Variants in TFEC observed in about 807,000 individuals in gnomAD.
TFEC encodes class E basic helix-loop-helix protein 34.
Under a neutral mutation model 41.6 loss-of-function variants are expected in TFEC, and 31 were observed. The ratio of observed to expected loss-of-function variants is 0.74; its 90% CI spans 0.56 to 1.01. The LOEUF is 1.01. TFEC is among the 50% of genes least tolerant of loss of function. The pLI, the probability that TFEC is intolerant of heterozygous loss-of-function variation, is 0.00. For synonymous variants in TFEC, 143 were observed against 140.6 expected (o/e 1.02, Z -0.12); for missense variants, 402 against 404.1 (o/e 0.99, Z 0.04).
intron 3 of TFEC, among the ~76,000 whole-genome samples, chr7:116,067,233 C>A (rs1796714803): frequency 6.6e-6 from 1 of 151,912 alleles, no homozygotes; most frequent in African/African-American, 2.4e-5. Context: ...TTATTTTACT[C>A]AGGATTCCCT....
At chr7:116,109,743 A>G (rs1418501731) in intron 3 of TFEC, among the ~76,000 whole-genome samples, 4 of 152,254 alleles carry the variant, frequency 2.6e-5, no homozygotes, top group South Asian at 2.1e-4. Context: ...CCAAAGGATT[A>G]TAAGTCATGC....
chr7:116,112,626 G>A (rs1479395308), intron 1 of TFEC, among the ~76,000 whole-genome samples: 3 of 151,978 alleles, frequency 2.0e-5, no homozygotes, highest in Non-Finnish European at 2.9e-5. Context: ...TTTCTAGAAA[G>A]AGACTAATGT....
intron 1 of TFEC, among the ~76,000 whole-genome samples, chr7:116,135,919 T>C (rs1180333861): frequency 1.3e-5 from 2 of 152,120 alleles, no homozygotes; most frequent in Non-Finnish European, 2.9e-5. Flanking sequence ...CAAAAACTAA[T>C]ACAAAAAAAT....
intron 3 of TFEC, among the ~76,000 whole-genome samples, chr7:116,107,878 T>G (rs571939843): frequency 6.6e-6 from 1 of 152,318 alleles, no homozygotes; most frequent in South Asian, 2.1e-4. Flanking sequence ...TTCCAGCTAC[T>G]GAACTAGATT....
chr7:116,020,738 T>C (rs1465956077), intron 1 of TFEC, among the ~76,000 whole-genome samples: 2 of 152,166 alleles, frequency 1.3e-5, no homozygotes, highest in Non-Finnish European at 2.9e-5. Context: ...ATTGACACTG[T>C]AGCCCTAAAA....
At chr7:115,995,772 G>A (rs912813691) in intron 1 of TFEC, among the ~76,000 whole-genome samples, 1 of 152,156 alleles carries the variant, frequency 6.6e-6, no homozygotes, top group Non-Finnish European at 1.5e-5. Context: ...TGTGCTCTTG[G>A]GGGAGAAAGA....
chr7:116,015,661 T>C (rs1330129516), intron 1 of TFEC, among the ~76,000 whole-genome samples: 1 of 152,040 alleles, frequency 6.6e-6, no homozygotes, highest in Non-Finnish European at 1.5e-5. Context: ...CGATAATATA[T>C]AGGAATTAAA....
intron 3 of TFEC, among the ~76,000 whole-genome samples, chr7:116,093,842 A>C (rs1378697263): frequency 6.6e-6 from 1 of 152,150 alleles, no homozygotes; most frequent in Non-Finnish European, 1.5e-5. Flanking sequence ...AACCTGACCC[A>C]CCAAAAAATC....
At chr7:115,986,549 G>T (rs1481980336) in intron 1 of TFEC, among the ~76,000 whole-genome samples, 3 of 152,210 alleles carry the variant, frequency 2.0e-5, no homozygotes, top group East Asian at 1.9e-4. Flanking sequence ...CATATTGAAA[G>T]AGAAAGTGAT....
intron 1 of TFEC, among the ~76,000 whole-genome samples, chr7:116,028,794 C>G (rs1039674064): frequency 2.6e-5 from 4 of 152,130 alleles, no homozygotes; most frequent in Non-Finnish European, 4.4e-5. Flanking sequence ...CATAATGATT[C>G]CATTTGAGTT....
rs762611605 is a variant in TFEC, at chr7:116,114,446, G to A, written c.-68-2408C>T. 4.6e-5 allele frequency among the ~76,000 whole-genome samples: 7 copies of A among 152,064 alleles called. No homozygotes were observed. The East Asian group carries it at 7.8e-4, about 17-fold the overall frequency. On this transcript the variant is annotated intron_variant, in intron 1 of 8. Transcript: ENST00000484212. ...ATTTAGGATAAATCAGTAGATGTAC[G>A]TAAGCCCATGACAATTTGCAAAGGG...
intron 1 of TFEC, chr7:116,112,138 A>C: frequency 1.6e-5 from 8 of 494,898 alleles, no homozygotes; most frequent in Non-Finnish European, 2.1e-5. Context: ...GCAAAAACAT[A>C]CATTGGATGT....
At chr7:116,132,281 G>A (rs2116319893) in intron 1 of TFEC, among the ~76,000 whole-genome samples, 1 of 152,242 alleles carries the variant, frequency 6.6e-6, no homozygotes, top group East Asian at 1.9e-4. Flanking sequence ...TTGTTTATAT[G>A]GCACTGTTCA....
chr7:116,073,911 C>T (rs936147860), intron 3 of TFEC, among the ~76,000 whole-genome samples: 11 of 151,644 alleles, frequency 7.3e-5, no homozygotes, highest in Admixed American at 7.2e-4. Context: ...TAGAAATAAA[C>T]CCTTACATTT....
chr7:115,985,571 A>G (rs1195876920), intron 1 of TFEC, among the ~76,000 whole-genome samples: 1 of 152,160 alleles, frequency 6.6e-6, no homozygotes, highest in East Asian at 1.9e-4. Flanking sequence ...GCATTAGCCC[A>G]GATAAATAGC....
intron 3 of TFEC, among the ~76,000 whole-genome samples, chr7:116,070,636 A>C (rs1796805228): frequency 6.6e-6 from 1 of 151,438 alleles, no homozygotes; most frequent in African/African-American, 2.4e-5. Context: ...TGGGTCAGAA[A>C]TGTTCTCTTT....
chr7:115,944,538 T>A (rs1416871464), intron 6 of TFEC, among the ~76,000 whole-genome samples: 1 of 151,760 alleles, frequency 6.6e-6, no homozygotes, highest in African/African-American at 2.4e-5. Flanking sequence ...GAAATAGAAC[T>A]TTCTGAATAT....
Position 116,074,347 on chromosome 7 carries a change from G to A in TFEC, c.198+36361C>T, listed in dbSNP as rs575053858. On this transcript the variant is annotated intron_variant, in intron 3 of 8. Transcript: ENST00000484212. ...ACCCACATAATGGGAGGAATTATTT[G>A]CAAATTATATGCACGACAAGGGGCT... Among the ~76,000 whole-genome samples the A allele has an allele frequency of 7.2e-5, 11 of 151,856 alleles. No individual in the cohort carries two copies. In the South Asian group the frequency reaches 2.1e-3, roughly 29 times the overall value.
At chr7:116,075,980 A>G (rs1796950638) in intron 3 of TFEC, among the ~76,000 whole-genome samples, 1 of 152,132 alleles carries the variant, frequency 6.6e-6, no homozygotes, top group Non-Finnish European at 1.5e-5. Context: ...AAACCAGTGC[A>G]CTATATGAAA....
Sources: gnomAD v4.1 joint callset for allele counts (sites outside exome capture counted in the v4.1 genomes callset) on GRCh38, gnomAD v4.1.1 for gene constraint, MANE v1.5 for transcripts, NCBI Gene and HGNC (gene_info 2026-07-23, HGNC 2026-07-21) for gene names.